CNTN5: variants seen among roughly 807,000 people sequenced by gnomAD.
The protein encoded by CNTN5 is contactin 5.
A neutral mutation model predicts 129.1 loss-of-function variants in CNTN5; 77 were observed. The ratio of observed to expected loss-of-function variants is 0.60; its 90% CI spans 0.50 to 0.72. The LOEUF is 0.72. CNTN5 is among the 30% of genes least tolerant of loss of function. The probability of loss-of-function intolerance (pLI) is 0.00; values close to 1 mark genes in which losing one functional copy is unlikely to be tolerated. For synonymous variants in CNTN5, 509 were observed against 465.6 expected, an observed-to-expected ratio of 1.09 and a Z score of -1.20; for missense variants, 1,478 against 1,328.8, an observed-to-expected ratio of 1.11 and a Z score of -1.75.
intron 6 of CNTN5, among the ~76,000 whole-genome samples, chr11:99,909,696 C>T (rs1229315111): frequency 6.6e-6 from 1 of 151,694 alleles, no homozygotes; most frequent in Admixed American, 6.6e-5. Flanking sequence ...TCATTCTCAG[C>T]AAACTATCAC....
chr11:100,054,156 T>G (rs1943100105), intron 9 of CNTN5, among the ~76,000 whole-genome samples: 1 of 151,580 alleles, frequency 6.6e-6, no homozygotes, highest in Non-Finnish European at 1.5e-5. Flanking sequence ...AAGGCAAGGG[T>G]CCAAGAGTGA....
At chr11:99,538,177 A>G (rs917239708) in intron 2 of CNTN5, among the ~76,000 whole-genome samples, 3 of 152,200 alleles carry the variant, frequency 2.0e-5, no homozygotes, top group South Asian at 2.1e-4. Flanking sequence ...TTTTAAATAC[A>G]GTGGAACTGA....
intron 20 of CNTN5, among the ~76,000 whole-genome samples, chr11:100,307,566 AG>A (rs1373046120): frequency 2.0e-5 from 3 of 151,648 alleles, no homozygotes; most frequent in Admixed American, 2.0e-4. Flanking sequence ...ACAAATGAAA[AG>A]GTGGTTTTGA....
At chr11:99,929,721 C>CTGGT (rs1950148437) in intron 7 of CNTN5, among the ~76,000 whole-genome samples, 1 of 152,182 alleles carries the variant, frequency 6.6e-6, no homozygotes, top group Non-Finnish European at 1.5e-5. Flanking sequence ...TTATCCTCCA[C>CTGGT]TGGTTCCCTC....
intron 1 of CNTN5, among the ~76,000 whole-genome samples, chr11:99,056,278 A>G (rs1864621681): frequency 6.6e-6 from 1 of 152,060 alleles, no homozygotes; most frequent in South Asian, 2.1e-4. Flanking sequence ...TAACCAGTGG[A>G]AATATTGGTA....
intron 3 of CNTN5, among the ~76,000 whole-genome samples, chr11:99,782,708 A>T (rs1480104226): frequency 6.6e-6 from 1 of 152,048 alleles, no homozygotes; most frequent in Non-Finnish European, 1.5e-5. Flanking sequence ...GACAAACCTG[A>T]GAAAAACAAG....
chr11:100,294,565 T>C (rs542567056), intron 18 of CNTN5, among the ~76,000 whole-genome samples: 1 of 151,864 alleles, frequency 6.6e-6, no homozygotes, highest in Non-Finnish European at 1.5e-5. Context: ...TAAGCTAATA[T>C]GCTCAAGACA....
chr11:99,425,573 G>A (rs965431084), intron 2 of CNTN5, among the ~76,000 whole-genome samples: 14 of 152,218 alleles, frequency 9.2e-5, no homozygotes, highest in African/African-American at 2.4e-4. Context: ...CACACTCCCT[G>A]GTTTGCAACA....
At chr11:99,966,529 A>G (rs1378830420) in intron 8 of CNTN5, among the ~76,000 whole-genome samples, 2 of 152,230 alleles carry the variant, frequency 1.3e-5, no homozygotes, top group Admixed American at 6.5e-5. Flanking sequence ...TTCATCTCCC[A>G]TTCCCAGAGT....
intron 3 of CNTN5, among the ~76,000 whole-genome samples, chr11:99,612,313 CAGAT>C (rs1950615088): frequency 6.6e-6 from 1 of 152,166 alleles, no homozygotes; most frequent in Admixed American, 6.6e-5. Context: ...AGTTTGGGGT[CAGAT>C]GCACCTGCTT....
intron 1 of CNTN5, among the ~76,000 whole-genome samples, chr11:99,172,994 G>T (rs57191271): frequency 0.035 from 5,395 of 152,260 alleles, 214 homozygotes; most frequent in African/African-American, 0.1. Context: ...GCAAGGAGGC[G>T]CAAGTCACAT....
chr11:100,354,621 T>G (rs1952484437), intron 24 of CNTN5, among the ~76,000 whole-genome samples: 1 of 151,724 alleles, frequency 6.6e-6, no homozygotes, highest in Non-Finnish European at 1.5e-5. Context: ...TATTTCTTAA[T>G]GATGAGGATA....
At chr11:99,723,225 T>C (rs1943230161) in intron 3 of CNTN5, among the ~76,000 whole-genome samples, 1 of 145,948 alleles carries the variant, frequency 6.9e-6, no homozygotes. Flanking sequence ...GATTCCACTT[T>C]GGGAAAAAAA....
intron 1 of CNTN5, among the ~76,000 whole-genome samples, chr11:99,178,882 A>G (rs1857910239): frequency 6.6e-6 from 1 of 152,142 alleles, no homozygotes; most frequent in Non-Finnish European, 1.5e-5. Context: ...ATGCATTTAA[A>G]TACCCAAATT....
chr11:99,123,763 A>G (rs1858477188), intron 1 of CNTN5, among the ~76,000 whole-genome samples: 1 of 151,420 alleles, frequency 6.6e-6, no homozygotes, highest in Admixed American at 6.6e-5. Context: ...TCTTCTGCCT[A>G]TGGCTAGCCA....
intron 13 of CNTN5, among the ~76,000 whole-genome samples, chr11:100,092,529 T>C (rs1406807243): frequency 6.6e-6 from 1 of 152,172 alleles, no homozygotes; most frequent in Non-Finnish European, 1.5e-5. Flanking sequence ...AACCACTTAA[T>C]GCTGTTTAAA....
chr11:99,705,896 T>C (rs1954734494), intron 3 of CNTN5, among the ~76,000 whole-genome samples: 2 of 151,500 alleles, frequency 1.3e-5, no homozygotes, highest in Admixed American at 6.6e-5. Context: ...ACCAGTGTTA[T>C]ACACTAGAAT....
chr11:99,568,317 C>CACATTATA (rs1301742463), intron 3 of CNTN5, among the ~76,000 whole-genome samples: 1 of 152,108 alleles, frequency 6.6e-6, no homozygotes, highest in Admixed American at 6.5e-5. Flanking sequence ...TAAAGTAATG[C>CACATTATA]TCCAATAATT....
chr11:99,820,427 A>G (rs1946762133), intron 4 of CNTN5, among the ~76,000 whole-genome samples: 1 of 152,304 alleles, frequency 6.6e-6, no homozygotes, highest in Non-Finnish European at 1.5e-5. Flanking sequence ...TATGAATGGA[A>G]AATAAGAAAA....
Sources: gnomAD v4.1 joint callset for allele counts (sites outside exome capture counted in the v4.1 genomes callset) on GRCh38, gnomAD v4.1.1 for gene constraint, MANE v1.5 for transcripts, NCBI Gene and HGNC (gene_info 2026-07-23, HGNC 2026-07-21) for gene names.